The following SLC16A2 variants were observed in gnomAD, a reference collection of about 807,000 sequenced individuals.
The protein encoded by SLC16A2 is solute carrier family 16 member 2, also known as monocarboxylate transporter 8.
A neutral mutation model predicts 27.2 loss-of-function variants in SLC16A2; 3 were observed. The observed-to-expected ratio is 0.11, with a 90% confidence interval of 0.05 to 0.28. The LOEUF is 0.28. Among genes scored for constraint, SLC16A2 ranks in the 10% least tolerant of loss-of-function variants. The probability of loss-of-function intolerance (pLI) is 1.00; values close to 1 mark genes in which losing one functional copy is unlikely to be tolerated. For synonymous variants in SLC16A2, 202 were observed against 187.8 expected (o/e 1.08, Z -0.62); for missense variants, 295 against 458.5 (o/e 0.64, Z 3.26).
intron 1 of SLC16A2, among the ~76,000 whole-genome samples, chrX:74,518,215 G>A (rs1930346926): frequency 8.9e-6 from 1 of 112,428 alleles, no homozygotes; most frequent in African/African-American, 3.2e-5. Flanking sequence ...TTTCCAAAGT[G>A]AGTACTGTTT....
rs1186082004 is a variant in SLC16A2 at position 74,531,952 on chromosome X, C to G, written c.*399C>G. ...AGCCTAATAGGGTAGGCCCAAATCT[C>G]TGTTTGCTGAGGAGGTCATTGCCAT... On this transcript the variant is annotated 3_prime_UTR_variant, in exon 6 of 6. Coordinates refer to ENST00000587091, the MANE Select transcript of SLC16A2 (RefSeq NM_006517.5). The G allele has an allele frequency of 4.5e-6, 1 of 222,200 alleles. No individual in the cohort carries two copies. 18.3% of individuals were successfully genotyped at this position (222,200 alleles called of 1,213,427 possible).
chrX:74,441,851 C>G (rs12835131), intron 1 of SLC16A2, among the ~76,000 whole-genome samples: 19 of 111,530 alleles, frequency 1.7e-4, no homozygotes, highest in South Asian at 1.5e-3. Flanking sequence ...CTCTGACCTT[C>G]CTGTACCTGC....
chrX:74,422,517 C>A (rs1408598823), intron 1 of SLC16A2, among the ~76,000 whole-genome samples: 1 of 109,129 alleles, frequency 9.2e-6, no homozygotes, highest in Non-Finnish European at 1.9e-5. Context: ...TACCGCTGAT[C>A]TCCGCAGCAG....
rs746938228 is a variant in SLC16A2, at chrX:74,421,518, G to A, written c.-120G>A. The A allele has an allele frequency of 1.1e-4, 105 of 968,048 alleles. No individual in the cohort carries two copies. Among genetic ancestry groups the A allele is most frequent in the Non-Finnish European group, 1.4e-4 (100 of 691,620 alleles). 79.8% of individuals were successfully genotyped at this position (968,048 alleles called of 1,213,427 possible). A position where few individuals can be genotyped will look rare whatever the true frequency, so the allele number is the denominator to read the frequency against. ...GGCCAGCTGGGGCGCGGAGCCTGGAGGAGGAGGCAGCGGCAGCGGCAGCAG... is the reference window on the plus strand; with the variant it reads ...GGCCAGCTGGGGCGCGGAGCCTGGAAGAGGAGGCAGCGGCAGCGGCAGCAG... On this transcript the variant is annotated 5_prime_UTR_variant, in exon 1 of 6. Transcript: ENST00000587091.
At chrX:74,490,395 T>C (rs1282813740) in intron 1 of SLC16A2, among the ~76,000 whole-genome samples, 7 of 108,424 alleles carry the variant, frequency 6.5e-5, no homozygotes, top group African/African-American at 2.3e-4. Flanking sequence ...AACTGAGCTG[T>C]GGCCTGGGGC....
chrX:74,423,491 G>A (rs1344934192), intron 1 of SLC16A2, among the ~76,000 whole-genome samples: 1 of 111,825 alleles, frequency 8.9e-6, no homozygotes, highest in Non-Finnish European at 1.9e-5. Flanking sequence ...GGCAGAAGGG[G>A]CTTTGGGGAT....
chrX:74,475,050 G>A (rs1929440257), intron 1 of SLC16A2, among the ~76,000 whole-genome samples: 1 of 110,859 alleles, frequency 9.0e-6, no homozygotes, highest in Non-Finnish European at 1.9e-5. Context: ...CTGAGGAATC[G>A]CCACACTGAC....
In SLC16A2 at chrX:74,512,729, G is replaced by A. The variant is rs1441888191; in HGVS notation, c.431-8261G>A. Among the ~76,000 whole-genome samples the A allele has an allele frequency of 8.9e-5, 10 of 111,899 alleles. No individual in the cohort carries two copies. The East Asian group carries it at 2.8e-3, about 31-fold the overall frequency. On this transcript the variant is annotated intron_variant, in intron 1 of 5. Coordinates refer to ENST00000587091, the MANE Select transcript of SLC16A2 (RefSeq NM_006517.5). ...CTGTACTTCAAAGACATTAGCCTGA[G>A]TGCCTGGGTAAGGAGCCAAGGCACT...
At chrX:74,513,544 C>T (rs894672870) in intron 1 of SLC16A2, among the ~76,000 whole-genome samples, 1 of 111,937 alleles carries the variant, frequency 8.9e-6, no homozygotes, top group Non-Finnish European at 1.9e-5. Flanking sequence ...TTATAATTGT[C>T]ACCATAATTG....
chrX:74,516,971 A>T (rs1245578079), intron 1 of SLC16A2, among the ~76,000 whole-genome samples: 1 of 111,915 alleles, frequency 8.9e-6, no homozygotes, highest in Non-Finnish European at 1.9e-5. Context: ...CATTTATATA[A>T]CTTTCTTCAA....
At chrX:74,468,893 A>G (rs1293659680) in intron 1 of SLC16A2, among the ~76,000 whole-genome samples, 1 of 111,392 alleles carries the variant, frequency 9.0e-6, no homozygotes, top group African/African-American at 3.3e-5. Context: ...TAGGCACCCT[A>G]TTGTGCTACC....
intron 1 of SLC16A2, among the ~76,000 whole-genome samples, chrX:74,436,307 C>G (rs1190063725): frequency 8.9e-5 from 10 of 111,762 alleles, no homozygotes; most frequent in African/African-American, 3.3e-4. Flanking sequence ...CTCTGGAAAT[C>G]TCTTTAATAA....
intron 1 of SLC16A2, among the ~76,000 whole-genome samples, chrX:74,499,786 T>A (rs1360391900): frequency 8.9e-6 from 1 of 111,767 alleles, no homozygotes; most frequent in Non-Finnish European, 1.9e-5. Context: ...TAAAATATTT[T>A]TTTTACTGGT....
intron 1 of SLC16A2, among the ~76,000 whole-genome samples, chrX:74,471,613 C>T (rs1929358783): frequency 9.0e-6 from 1 of 111,720 alleles, no homozygotes; most frequent in African/African-American, 3.2e-5. Context: ...ACTGGTGCCC[C>T]TTGAAGCACA....
chrX:74,527,039 C>A (rs750608471), intron 4 of SLC16A2, among the ~76,000 whole-genome samples: 1 of 111,852 alleles, frequency 8.9e-6, no homozygotes, highest in Non-Finnish European at 1.9e-5. Context: ...CCTGCCTAGT[C>A]GTATAACTCA....
chrX:74,436,874 G>T (rs1928640087), intron 1 of SLC16A2, among the ~76,000 whole-genome samples: 1 of 111,873 alleles, frequency 8.9e-6, no homozygotes, highest in Non-Finnish European at 1.9e-5. Context: ...CTAAATACTG[G>T]TTTACTGATG....
At chrX:74,505,611 G>A (rs755145378) in intron 1 of SLC16A2, among the ~76,000 whole-genome samples, 10 of 111,996 alleles carry the variant, frequency 8.9e-5, no homozygotes, top group Non-Finnish European at 1.7e-4. Flanking sequence ...GCCCCCTGAC[G>A]GTGGAGCCAA....
At chrX:74,519,721 AAAAAAAAAAC>A (rs1368346936) in intron 1 of SLC16A2, among the ~76,000 whole-genome samples, 4 of 69,153 alleles carry the variant, frequency 5.8e-5, no homozygotes, top group Non-Finnish European at 1.1e-4. Context: ...GTCTCAAAAA[AAAAAAAAAAC>A]AAAAAAAAAA....
intron 1 of SLC16A2, among the ~76,000 whole-genome samples, chrX:74,445,836 C>G (rs940777432): frequency 2.7e-5 from 3 of 109,455 alleles, no homozygotes; most frequent in Non-Finnish European, 5.7e-5. Flanking sequence ...GCCTCTCACT[C>G]CAGGCATGCT....
Sources: allele counts gnomAD v4.1 joint callset (sites outside exome capture counted in the v4.1 genomes callset), GRCh38; gene constraint gnomAD v4.1.1; transcripts MANE v1.5; gene names NCBI Gene and HGNC (gene_info 2026-07-23, HGNC 2026-07-21).